Variants in PARP4 observed in about 807,000 individuals in gnomAD.
The protein encoded by PARP4 is poly(ADP-ribose) polymerase family member 4.
Under a neutral mutation model 187.7 loss-of-function variants are expected in PARP4, and 120 were observed. That is an observed-to-expected ratio of 0.64 (90% confidence interval 0.55 to 0.74). The LOEUF is 0.74. PARP4 is among the 30% of genes least tolerant of loss of function. The probability of loss-of-function intolerance (pLI) is 0.00; values close to 1 mark genes in which losing one functional copy is unlikely to be tolerated. For synonymous variants in PARP4, 654 were observed against 740.9 expected, an observed-to-expected ratio of 0.88 and a Z score of 1.90; for missense variants, 1,836 against 2,070.5, an observed-to-expected ratio of 0.89 and a Z score of 2.20.
intron 12 of PARP4, among the ~76,000 whole-genome samples, chr13:24,483,736 C>G (rs943101468): frequency 6.6e-6 from 1 of 152,002 alleles, no homozygotes; most frequent in East Asian, 2.0e-4. Context: ...AAGCCAGTCT[C>G]CTGCCTCACC....
intron 21 of PARP4, among the ~76,000 whole-genome samples, chr13:24,455,952 A>C (rs920075945): frequency 6.6e-6 from 1 of 152,154 alleles, no homozygotes; most frequent in Non-Finnish European, 1.5e-5. Flanking sequence ...TAACTTAAGA[A>C]GAGACTCTTT....
At chr13:24,432,387 A>C (rs7981211) in intron 31 of PARP4, among the ~76,000 whole-genome samples, 2 of 151,986 alleles carry the variant, frequency 1.3e-5, no homozygotes, top group Non-Finnish European at 2.9e-5. Flanking sequence ...TTGAAATATG[A>C]TTGACATACA....
rs61708412 is a variant in PARP4 at position 24,510,553 on chromosome 13, C to CAA, written c.-2+2151_-2+2152dup. Among the ~76,000 whole-genome samples the CAA allele has an allele frequency of 1.8e-4, 16 of 89,242 alleles. 1 individual carries two copies. The highest frequency in any genetic ancestry group is 5.0e-4 in the Admixed American group (4 of 7,944). 58.5% of individuals were successfully genotyped at this position (89,242 alleles called of 152,430 possible). On this transcript the variant is annotated intron_variant, in intron 1 of 33. Transcript: ENST00000381989. ...TGGGCGACAGAGCGAGACTCCGTCT[C>CAA]AAAAAAAAAAAAAAAAAAGTGTTCA...
At position 24,470,062 on chromosome 13, in the gene PARP4, C is replaced by G. The variant is rs373401944; in HGVS notation, c.1915-37G>C. On this transcript the variant is annotated intron_variant, in intron 15 of 33. Transcript: ENST00000381989. ...AAAAAATCCATACAATTGATGAGAC[C>G]ACATGGACTACATTTGCAGGAACAA... 6 of 1,568,326 alleles carry G rather than the reference C, an allele frequency of 3.8e-6. No individual in the cohort carries two copies. The African/African-American group carries it at 8.2e-5, about 21-fold the overall frequency.
intron 32 of PARP4, among the ~76,000 whole-genome samples, chr13:24,427,964 C>G (rs1870141331): frequency 6.6e-6 from 1 of 151,796 alleles, no homozygotes; most frequent in African/African-American, 2.4e-5. Context: ...GATGAAATAC[C>G]TAATGTGTAT....
At chr13:24,474,967 T>G (rs1184099341) in intron 15 of PARP4, among the ~76,000 whole-genome samples, 1 of 152,166 alleles carries the variant, frequency 6.6e-6, no homozygotes, top group African/African-American at 2.4e-5. Context: ...CAGATCAGCC[T>G]CCTTCCTACC....
Position 24,431,476 on chromosome 13 carries a change from C to G in PARP4, c.4747G>C (p.Asp1583His). Residue 1583 changes from aspartate (D) to histidine (H), a missense_variant and splice_region_variant, in exon 32 of 34, where the codon GAT becomes CAT. Asp to His is a moderately conservative substitution (Grantham distance 81). Transcript: ENST00000381989. ...WTELLSLQTE[D>H]GFWKLTPELG... is the part of the protein sequence containing the mutation. ...TCTGGTGTAAGTTTCCAGAAGCCATCCTACAAAATTAAGGAAACAAAAATA... is the reference window on the plus strand; with the variant it reads ...TCTGGTGTAAGTTTCCAGAAGCCATGCTACAAAATTAAGGAAACAAAAATA... 1 of 1,563,084 alleles carries G rather than the reference C, an allele frequency of 6.4e-7. No individual in the cohort carries two copies. The highest frequency in any genetic ancestry group is 8.7e-7 in the Non-Finnish European group (1 of 1,148,020).
chr13:24,477,787 C>A lies in PARP4; in HGVS notation c.1703G>T (p.Gly568Val). 1 of 1,567,564 alleles carries A rather than the reference C, an allele frequency of 6.4e-7. No homozygotes were observed. Among genetic ancestry groups the A allele is most frequent in the South Asian group, 1.1e-5 (1 of 87,038 alleles). Residue 568 changes from glycine to valine, a missense_variant, in exon 14 of 34, where the codon GGA becomes GTA. Gly to Val is a moderately radical substitution (Grantham distance 109). Around this residue, in one of 8 missense-constraint regions of PARP4, gnomAD observed 1,147 missense variants for 1,214.2 expected, o/e 0.94. Coordinates refer to ENST00000381989, the MANE Select transcript of PARP4 (RefSeq NM_006437.4). ...MKYIIKFSMP[G>V]DQIKDFHPSD... is the part of the protein sequence containing the mutation. ...AGGATGAAAGTCCTTTATCTGATCT[C>A]CAGGCATGGAAAATTTAATAATATA... is the stretch of plus-strand genomic sequence containing the variant.
Position 24,435,488 on chromosome 13 carries a change from A to T in PARP4, c.3667-14T>A. 1 of 1,554,860 alleles carries T rather than the reference A, an allele frequency of 6.4e-7. No homozygotes were observed. The highest frequency in any genetic ancestry group is 8.6e-7 in the Non-Finnish European group (1 of 1,160,478). On this transcript the variant is annotated splice_polypyrimidine_tract_variant and intron_variant, in intron 30 of 33. Coordinates refer to ENST00000381989, the MANE Select transcript of PARP4 (RefSeq NM_006437.4). ...TGCTAAAAGAGACTGCCCAGAAGAC[A>T]GAATTATTAACGTAAGGGGAAAACA...
chr13:24,480,989 T>C (rs1305014262), intron 12 of PARP4, among the ~76,000 whole-genome samples: 1 of 152,248 alleles, frequency 6.6e-6, no homozygotes, highest in Non-Finnish European at 1.5e-5. Flanking sequence ...GAGAAGTCAA[T>C]GGCTGGCTGC....
Position 24,431,438 on chromosome 13 carries a change from T to C in PARP4, c.4785A>G (p.Ile1595Met), listed in dbSNP as rs1870327861. ...GCAAACCATTTGTATTAAGATTTAA[T>C]ATAAGTCCCAGTTCTGGTGTAAGTT... ...FWKLTPELGL[I>M]LNLNTNGLHS... Residue 1595 changes from isoleucine to methionine, a missense_variant, in exon 32 of 34, where the codon ATA (isoleucine) becomes ATG (methionine). This residue lies in a region of PARP4 where 450 missense variants were observed against 439.2 expected (regional missense o/e 1.02). Transcript: ENST00000381989. The C allele has an allele frequency of 1.2e-6, 2 of 1,600,222 alleles. No individual in the cohort carries two copies. Among genetic ancestry groups the C allele is most frequent in the African/African-American group, 2.7e-5 (2 of 74,266 alleles).
At chr13:24,494,843 A>T (rs1409278501) in intron 6 of PARP4, 121 bp from the exon 7 acceptor site, 3 of 606,014 alleles carry the variant, frequency 5.0e-6, no homozygotes, top group Non-Finnish European at 5.5e-6. Context: ...TTTTCAAAGA[A>T]TTACTTAAAT....
intron 1 of PARP4, among the ~76,000 whole-genome samples, chr13:24,508,734 G>T (rs148078205): frequency 3.3e-5 from 5 of 151,982 alleles, no homozygotes; most frequent in African/African-American, 4.8e-5. Context: ...GGCTGGTCTC[G>T]AACTCCCAAC....
intron 19 of PARP4, 43 bp downstream of exon 19, chr13:24,459,221 C>T: frequency 6.3e-7 from 1 of 1,589,174 alleles, no homozygotes; most frequent in Non-Finnish European, 8.6e-7. Flanking sequence ...ACCAGAAAAC[C>T]AATATCCATT....
At chr13:24,453,843 G>T (rs938473216) in intron 22 of PARP4, among the ~76,000 whole-genome samples, 189 bp from the exon 23 acceptor site, 1 of 152,100 alleles carries the variant, frequency 6.6e-6, no homozygotes, top group African/African-American at 2.4e-5. Flanking sequence ...GGCCAGGCAC[G>T]GTGGCTCATG....
chr13:24,473,409 A>C (rs1451835993), intron 15 of PARP4, among the ~76,000 whole-genome samples: 1 of 152,226 alleles, frequency 6.6e-6, no homozygotes, highest in Non-Finnish European at 1.5e-5. Context: ...ATAAAGTTCT[A>C]AATTGAGTCT....
rs1231168719 is a variant in PARP4 at position 24,455,018 on chromosome 13, T to C, written c.2757A>G (p.Thr919=). The change falls in exon 22 of 34, where the codon ACA becomes ACG. Residue 919 remains threonine (T), a splice_region_variant and synonymous_variant. Transcript: ENST00000381989. ...GGACCAGGGCCAAAGCGCACTCACCTGTGCCGAACTGGATAATATTTACTT... is the reference window on the plus strand; with the variant it reads ...GGACCAGGGCCAAAGCGCACTCACCCGTGCCGAACTGGATAATATTTACTT... The part of the protein sequence containing the change: ...KQKVNIIQFG[T]GYKELFSYPK... The C allele has an allele frequency of 3.1e-6, 5 of 1,588,568 alleles. No homozygotes were observed. In the South Asian group the frequency reaches 4.5e-5, roughly 14 times the overall value.
intron 6 of PARP4, among the ~76,000 whole-genome samples, 157 bp from the exon 7 acceptor site, chr13:24,494,879 C>CTTTTTTTT (rs139965809): frequency 2.7e-5 from 4 of 146,540 alleles, no homozygotes; most frequent in Non-Finnish European, 4.5e-5. Context: ...TTTTCTTTTT[C>CTTTTTTTT]TTTTTTTTTT....
chr13:24,467,878 C>A (rs1485667871), intron 17 of PARP4, among the ~76,000 whole-genome samples: 1 of 152,150 alleles, frequency 6.6e-6, no homozygotes, highest in Non-Finnish European at 1.5e-5. Context: ...GAACCCCAGG[C>A]TTCTATACAT....
Sources: gnomAD v4.1 joint callset for allele counts (sites outside exome capture counted in the v4.1 genomes callset) on GRCh38, gnomAD v4.1.1 for gene constraint, gnomAD v4.1.1 regional missense constraint, MANE v1.5 for transcripts, NCBI Gene and HGNC (gene_info 2026-07-23, HGNC 2026-07-21) for gene names.